Variants in PUM3 observed in about 807,000 individuals in gnomAD.
The protein encoded by PUM3 is pumilio homolog 3.
A neutral mutation model predicts 84.0 loss-of-function variants in PUM3; 91 were observed. That is an observed-to-expected ratio of 1.08 (90% CI 0.91 to 1.29). PUM3 has a LOEUF of 1.29. PUM3 is among the 50% of genes most tolerant of loss of function. The probability of loss-of-function intolerance (pLI) is 0.00; values close to 1 mark genes in which losing one functional copy is unlikely to be tolerated. For missense variants in PUM3, 1,067 were observed against 767.5 expected, an observed-to-expected ratio of 1.39 and a Z score of -4.61; for synonymous variants, 321 against 266.7, an observed-to-expected ratio of 1.20 and a Z score of -1.98.
At chr9:2,828,485 G>C (rs1464329508) in intron 9 of PUM3, 190 bp downstream of exon 9, 2 of 508,916 alleles carry the variant, frequency 3.9e-6, no homozygotes, top group African/African-American at 2.0e-5. Flanking sequence ...CATTTTATAG[G>C]GTACAATATC....
chr9:2,835,438 C>T, intron 3 of PUM3, among the ~76,000 whole-genome samples: 1 of 152,068 alleles, frequency 6.6e-6, no homozygotes, highest in East Asian at 1.9e-4. Context: ...AATTCAGAAT[C>T]TGCCTTCACT....
rs549770445 is a variant in PUM3 at position 2,813,851 on chromosome 9, C to G, written c.1270-1489G>C. On this transcript the variant is annotated intron_variant, in intron 13 of 17. Transcript: ENST00000397885. ...TATAGCATGCTTCTGATAACAGTAG[C>G]TAACACTCGTTAAGTGCTTACTAGG... is the stretch of plus-strand genomic sequence containing the variant. Among the ~76,000 whole-genome samples the G allele has an allele frequency of 2.0e-5, 3 of 152,274 alleles. 1 individual carries two copies. In the East Asian group the frequency reaches 5.8e-4, roughly 29 times the overall value.
chr9:2,830,699 T>A lies in PUM3; in HGVS notation c.677+263A>T, dbSNP rs1276979318. On this transcript the variant is annotated intron_variant, in intron 7 of 17. Coordinates refer to ENST00000397885, the MANE Select transcript of PUM3 (RefSeq NM_014878.5). ...ACAAATCAGAAGGTGAGGGTATACC[T>A]CCATCAAAGTCATAAATTTCAAGGA... Among the ~76,000 whole-genome samples the A allele has an allele frequency of 4.6e-5, 7 of 152,298 alleles. No homozygotes were observed. The South Asian group carries it at 1.2e-3, about 27-fold the overall frequency.
Position 2,834,024 on chromosome 9 carries a change from G to A in PUM3, c.440+7C>T. On this transcript the variant is annotated splice_region_variant and intron_variant, in intron 4 of 17. Transcript: ENST00000397885. The stretch of plus-strand genomic sequence containing the variant: ...GGACTAACAAAGGCATCTTTAGGTA[G>A]AATTACCTTCTTAAAATCTCCCACA... The A allele has an allele frequency of 6.2e-7, 1 of 1,612,724 alleles. No individual in the cohort carries two copies. The highest frequency in any genetic ancestry group is 8.5e-7 in the Non-Finnish European group (1 of 1,179,396).
chr9:2,841,973 C>T (rs1396622997), intron 1 of PUM3, among the ~76,000 whole-genome samples: 1 of 152,166 alleles, frequency 6.6e-6, no homozygotes, highest in East Asian at 1.9e-4. Context: ...TCTAAAAAGT[C>T]CCCTGGTACA....
At position 2,804,215 on chromosome 9, in the gene PUM3, A is replaced by C; in HGVS notation, c.*116T>G. 1 of 968,698 alleles carries C rather than the reference A, an allele frequency of 1.0e-6. No homozygotes were observed. Among genetic ancestry groups the C allele is most frequent in the South Asian group, 1.9e-5 (1 of 52,096 alleles). The allele number at this position is 968,698 out of a possible 1,614,324, so 60.0% of individuals were successfully genotyped here. A position where few individuals can be genotyped will look rare whatever the true frequency, so the allele number is the denominator to read the frequency against. On this transcript the variant is annotated 3_prime_UTR_variant, in exon 18 of 18. Transcript: ENST00000397885. ...ATAGATTCGTATACAAAGAAGAAAC[A>C]CATATACAGAGTACCCCAATTACCA...
intron 13 of PUM3, among the ~76,000 whole-genome samples, chr9:2,812,793 T>G (rs1219840612): frequency 6.6e-6 from 1 of 152,228 alleles, no homozygotes; most frequent in East Asian, 1.9e-4. Flanking sequence ...AAAAAATATT[T>G]AAAGGTGTTA....
At chr9:2,827,212 A>G in intron 9 of PUM3, 61 bp from the exon 10 acceptor site, 1 of 1,195,440 alleles carries the variant, frequency 8.4e-7, no homozygotes, top group African/African-American at 1.5e-5. Context: ...TCATACAAAG[A>G]CAGGTAATCT....
At chr9:2,837,898 T>C (rs1026314422) in intron 2 of PUM3, among the ~76,000 whole-genome samples, 1 of 152,152 alleles carries the variant, frequency 6.6e-6, no homozygotes, top group Admixed American at 6.5e-5. Flanking sequence ...TTTTAAAGCC[T>C]ATATTAAAAT....
intron 3 of PUM3, among the ~76,000 whole-genome samples, chr9:2,835,216 C>T (rs1277488375): frequency 6.6e-6 from 1 of 152,140 alleles, no homozygotes; most frequent in Non-Finnish European, 1.5e-5. Flanking sequence ...AGTTTGAGAT[C>T]AGCCTGGGCG....
At chr9:2,821,708 T>C (rs367625158) in intron 12 of PUM3, among the ~76,000 whole-genome samples, 1 of 152,138 alleles carries the variant, frequency 6.6e-6, no homozygotes, top group Admixed American at 6.5e-5. Flanking sequence ...ACAACACCTA[T>C]ACAAATTTAA....
At chr9:2,809,350 C>A (rs1456458931) in intron 16 of PUM3, among the ~76,000 whole-genome samples, 1 of 152,174 alleles carries the variant, frequency 6.6e-6, no homozygotes. Context: ...GGACATTAAG[C>A]CAGACTACTT....
intron 16 of PUM3, 65 bp from the exon 17 acceptor site, chr9:2,807,969 C>A: frequency 1.0e-6 from 1 of 986,368 alleles, no homozygotes; most frequent in South Asian, 1.4e-5. Context: ...ACCCCCTTCT[C>A]TACTGCCCTT....
chr9:2,840,960 A>G (rs185434420), intron 1 of PUM3, among the ~76,000 whole-genome samples: 124 of 152,350 alleles, frequency 8.1e-4, no homozygotes, highest in African/African-American at 2.9e-3. Flanking sequence ...CAGGAAACAC[A>G]TATATGTATA....
At chr9:2,840,660 T>A (rs1816244479) in intron 1 of PUM3, among the ~76,000 whole-genome samples, 1 of 152,244 alleles carries the variant, frequency 6.6e-6, no homozygotes, top group African/African-American at 2.4e-5. Context: ...TGTTATTTTG[T>A]TGCTCAAATA....
intron 3 of PUM3, among the ~76,000 whole-genome samples, chr9:2,835,899 G>T (rs1443429025): frequency 1.3e-5 from 2 of 152,102 alleles, no homozygotes; most frequent in African/African-American, 4.8e-5. Context: ...ATATCAATGT[G>T]AGAAATTAAT....
At chr9:2,822,820 TA>T (rs896959077) in intron 12 of PUM3, among the ~76,000 whole-genome samples, 9 of 150,304 alleles carry the variant, frequency 6.0e-5, no homozygotes, top group African/African-American at 1.9e-4. Flanking sequence ...TTATGAATTA[TA>T]AAAAATATGA....
intron 10 of PUM3, 37 bp from the exon 11 acceptor site, chr9:2,824,852 T>A: frequency 1.4e-6 from 2 of 1,383,394 alleles, no homozygotes; most frequent in Non-Finnish European, 2.0e-6. Flanking sequence ...GGGCTCTGCT[T>A]TATTTTCTTC....
At chr9:2,830,559 A>G (rs1815948797) in intron 7 of PUM3, among the ~76,000 whole-genome samples, 1 of 152,208 alleles carries the variant, frequency 6.6e-6, no homozygotes, top group African/African-American at 2.4e-5. Context: ...GAGGTTCAAG[A>G]TAAACATTCA....
Sources: gnomAD v4.1 joint callset for allele counts (sites outside exome capture counted in the v4.1 genomes callset) on GRCh38, gnomAD v4.1.1 for gene constraint, MANE v1.5 for transcripts, NCBI Gene and HGNC (gene_info 2026-07-23, HGNC 2026-07-21) for gene names.